The following PRIMA1 variants were observed in gnomAD, a reference collection of about 807,000 sequenced individuals.
The protein encoded by PRIMA1 is proline-rich membrane anchor 1.
A neutral mutation model predicts 17.5 loss-of-function variants in PRIMA1; 7 were observed. The observed-to-expected ratio is 0.40, with a 90% CI of 0.23 to 0.75. The LOEUF is 0.75. Among genes scored for constraint, PRIMA1 ranks in the 30% least tolerant of loss-of-function variants. The pLI is 0.37. For synonymous variants in PRIMA1, 97 were observed against 77.9 expected, an observed-to-expected ratio of 1.25 and a Z score of -1.29; for missense variants, 200 against 201.8, an observed-to-expected ratio of 0.99 and a Z score of 0.05.
chr14:93,776,362 G>T (rs1008846787), intron 3 of PRIMA1, among the ~76,000 whole-genome samples: 3 of 152,098 alleles, frequency 2.0e-5, no homozygotes, highest in African/African-American at 7.2e-5. Flanking sequence ...CCTCTCCCAA[G>T]AAGCACCTTC....
At chr14:93,733,444 C>T (rs2076128489) in intron 4 of PRIMA1, among the ~76,000 whole-genome samples, 1 of 152,168 alleles carries the variant, frequency 6.6e-6, no homozygotes, top group Non-Finnish European at 1.5e-5. Flanking sequence ...CTGCGGGGTG[C>T]GCCTTCCACA....
chr14:93,768,110 A>T (rs779744092), intron 3 of PRIMA1, among the ~76,000 whole-genome samples: 87 of 151,516 alleles, frequency 5.7e-4, no homozygotes, highest in Non-Finnish European at 8.1e-4. Context: ...ATCTCTTTTT[A>T]AAAAAAAAGC....
chr14:93,759,374 G>T (rs1332331035), intron 3 of PRIMA1, among the ~76,000 whole-genome samples: 1 of 152,156 alleles, frequency 6.6e-6, no homozygotes, highest in Non-Finnish European at 1.5e-5. Context: ...TGCATCCTAG[G>T]GGGTGTTTCT....
chr14:93,725,340 G>T (rs986386265), intron 4 of PRIMA1, among the ~76,000 whole-genome samples: 3 of 152,102 alleles, frequency 2.0e-5, no homozygotes, highest in Non-Finnish European at 4.4e-5. Context: ...TCCTGCCACC[G>T]GAGCTGAGTC....
intron 3 of PRIMA1, among the ~76,000 whole-genome samples, chr14:93,766,737 C>G (rs570806100): frequency 3.3e-5 from 5 of 152,152 alleles, no homozygotes; most frequent in Non-Finnish European, 7.3e-5. Flanking sequence ...AGCAAAGACC[C>G]CTTGCAGACA....
rs538968503 is a variant in PRIMA1, at chr14:93,778,663, C to T, written c.229+513G>A. ...AAACGCTCCTTTGTTTGAACGACGG[C>T]GCAATCAAATTGTTCAGAGATGAAA... On this transcript the variant is annotated intron_variant, in intron 3 of 4. Coordinates refer to ENST00000393140, the MANE Select transcript of PRIMA1 (RefSeq NM_178013.4). 6.5e-4 allele frequency among the ~76,000 whole-genome samples: 99 copies of T among 152,270 alleles called. 1 individual carries two copies. The highest frequency in any genetic ancestry group is 2.0e-3 in the African/African-American group (85 of 41,548).
chr14:93,769,532 C>T (rs979031931), intron 3 of PRIMA1, among the ~76,000 whole-genome samples: 9 of 152,182 alleles, frequency 5.9e-5, no homozygotes, highest in African/African-American at 1.9e-4. Context: ...TGACATGGCC[C>T]GTGTTTGATG....
chr14:93,744,229 C>A (rs755510453), intron 3 of PRIMA1, among the ~76,000 whole-genome samples: 4 of 152,232 alleles, frequency 2.6e-5, no homozygotes, highest in Admixed American at 6.5e-5. Context: ...GGCTGACCAC[C>A]CTTTCCCTGC....
At chr14:93,757,214 G>A (rs2076296744) in intron 3 of PRIMA1, among the ~76,000 whole-genome samples, 1 of 151,958 alleles carries the variant, frequency 6.6e-6, no homozygotes, top group African/African-American at 2.4e-5. Flanking sequence ...AAGGAAGGAA[G>A]GAAGGAAGGA....
intron 3 of PRIMA1, among the ~76,000 whole-genome samples, chr14:93,760,079 G>A (rs567709196): frequency 6.6e-6 from 1 of 152,330 alleles, no homozygotes; most frequent in South Asian, 2.1e-4. Context: ...ATTTAGACAG[G>A]AGCAGACGGA....
intron 3 of PRIMA1, among the ~76,000 whole-genome samples, chr14:93,753,429 C>T (rs2076272578): frequency 6.6e-6 from 1 of 152,328 alleles, no homozygotes; most frequent in South Asian, 2.1e-4. Flanking sequence ...AACCCATTCA[C>T]TCTTGGGAGG....
At chr14:93,721,676 T>C in intron 4 of PRIMA1, 130 bp from the exon 5 acceptor site, 1 of 651,076 alleles carries the variant, frequency 1.5e-6, no homozygotes, top group Non-Finnish European at 2.8e-6. Context: ...AGGAAGCCAA[T>C]GGCTCTGTCC....
chr14:93,734,584 G>C (rs1394277561), intron 4 of PRIMA1, among the ~76,000 whole-genome samples: 2 of 152,076 alleles, frequency 1.3e-5, no homozygotes, highest in Non-Finnish European at 2.9e-5. Context: ...CTTGCTCTCT[G>C]GGCCTGCCCA....
Position 93,747,931 on chromosome 14 carries a change from T to C in PRIMA1, c.230-10561A>G, listed in dbSNP as rs537622924. Among the ~76,000 whole-genome samples, 3 of 68,672 alleles carry C rather than the reference T, an allele frequency of 4.4e-5. No individual in the cohort carries two copies. In the South Asian group the frequency reaches 1.3e-3, roughly 30 times the overall value. The allele number at this position is 68,672 out of a possible 152,430, so 45.1% of individuals were successfully genotyped here. ...GAGTGGGGGACTGTGTGGAGTGTGA[T>C]TATGTGAGTGTGTGTGTATGAGTGT... is the stretch of plus-strand genomic sequence containing the variant. On this transcript the variant is annotated intron_variant, in intron 3 of 4. Coordinates refer to ENST00000393140, the MANE Select transcript of PRIMA1 (RefSeq NM_178013.4).
Position 93,721,448 on chromosome 14 carries a change from A to G in PRIMA1, c.458T>C (p.Val153Ala), listed in dbSNP as rs1566961000. 1 of 1,609,168 alleles carries G rather than the reference A, an allele frequency of 6.2e-7. No homozygotes were observed. Among genetic ancestry groups the G allele is most frequent in the Non-Finnish European group, 8.5e-7 (1 of 1,175,780 alleles). The change falls in exon 5 of 5, where the codon GTG (valine) becomes GCG (alanine). Residue 153 changes from valine to alanine, a missense_variant. By Grantham distance (64) the Val-to-Ala change is moderately conservative. Coordinates refer to ENST00000393140, the MANE Select transcript of PRIMA1 (RefSeq NM_178013.4). ...NKGVDVNNAV[V>A] Reference sequence around the variant, plus strand: ...GCGGGTCCAGGGCCTGCAGACTCACACCACTGCGTTGTTCACGTCTACTCC... The same window carrying G: ...GCGGGTCCAGGGCCTGCAGACTCACGCCACTGCGTTGTTCACGTCTACTCC...
At chr14:93,727,128 C>T (rs908867100) in intron 4 of PRIMA1, among the ~76,000 whole-genome samples, 20 of 152,296 alleles carry the variant, frequency 1.3e-4, no homozygotes, top group Middle Eastern at 3.4e-3. Flanking sequence ...GGCAGACAAG[C>T]GTCCTCACAG....
At chr14:93,740,347 G>T (rs564781549) in intron 3 of PRIMA1, among the ~76,000 whole-genome samples, 1 of 152,144 alleles carries the variant, frequency 6.6e-6, no homozygotes, top group African/African-American at 2.4e-5. Context: ...TCACCTTGGG[G>T]TATCCCTGAC....
rs1595185109 is a variant in PRIMA1 at position 93,721,196 on chromosome 14, G to T, written c.*248C>A. The T allele has an allele frequency of 9.6e-5, 47 of 491,018 alleles. No individual in the cohort carries two copies. The East Asian group carries it at 1.6e-3, about 17-fold the overall frequency. 30.4% of individuals were successfully genotyped at this position (491,018 alleles called of 1,614,324 possible). On this transcript the variant is annotated 3_prime_UTR_variant, in exon 5 of 5. Coordinates refer to ENST00000393140, the MANE Select transcript of PRIMA1 (RefSeq NM_178013.4). The stretch of plus-strand genomic sequence containing the variant: ...AGACACCAGACAGGGAGGAGGATGT[G>T]GAGGGCCTGGGGTGGGGACACTGCC...
chr14:93,788,288 A>C (rs1885587877), intron 1 of PRIMA1, 122 bp downstream of exon 1: 1 of 160,720 alleles, frequency 6.2e-6, no homozygotes, highest in Middle Eastern at 2.9e-3. Flanking sequence ...GCACACTGCA[A>C]CATAGGCACC....
Sources: gnomAD v4.1 joint callset for allele counts (sites outside exome capture counted in the v4.1 genomes callset) on GRCh38, gnomAD v4.1.1 for gene constraint, MANE v1.5 for transcripts, NCBI Gene and HGNC (gene_info 2026-07-23, HGNC 2026-07-21) for gene names.